The following CNTNAP2 variants were observed in gnomAD, a reference collection of about 807,000 sequenced individuals.
CNTNAP2 encodes the protein contactin-associated protein-like 2.
Under a neutral mutation model 155.2 loss-of-function variants are expected in CNTNAP2, and 98 were observed. The observed-to-expected ratio is 0.63, with a 90% CI of 0.54 to 0.75. The LOEUF (loss-of-function observed/expected upper bound fraction) is 0.75, where lower values mean the gene tolerates loss of function less well. CNTNAP2 is among the 30% of genes least tolerant of loss of function. The pLI is 0.00. For missense variants in CNTNAP2, 1,727 were observed against 1,688.1 expected, an observed-to-expected ratio of 1.02 and a Z score of -0.40; for synonymous variants, 651 against 631.2, an observed-to-expected ratio of 1.03 and a Z score of -0.47.
At chr7:147,889,818 C>T (rs1799657894) in intron 13 of CNTNAP2, among the ~76,000 whole-genome samples, 1 of 152,034 alleles carries the variant, frequency 6.6e-6, no homozygotes, top group African/African-American at 2.4e-5. Flanking sequence ...ACTGGGCAAC[C>T]CAGATAGGAT....
intron 1 of CNTNAP2, among the ~76,000 whole-genome samples, chr7:146,541,072 T>G (rs141484125): frequency 1.3e-5 from 2 of 152,116 alleles, no homozygotes; most frequent in East Asian, 3.9e-4. Flanking sequence ...GTCTCATTTT[T>G]TCAGAACATA....
At chr7:148,296,364 C>A (rs935965403) in intron 21 of CNTNAP2, among the ~76,000 whole-genome samples, 1 of 151,464 alleles carries the variant, frequency 6.6e-6, no homozygotes, top group East Asian at 1.9e-4. Context: ...AGTGAGACCC[C>A]CCCCGCCCAC....
chr7:146,630,030 G>A (rs776932211), intron 1 of CNTNAP2, among the ~76,000 whole-genome samples: 1 of 151,716 alleles, frequency 6.6e-6, no homozygotes, highest in Non-Finnish European at 1.5e-5. Context: ...TGTGCAGAAT[G>A]TGCAGCTTTG....
intron 9 of CNTNAP2, among the ~76,000 whole-genome samples, chr7:147,339,273 C>CA (rs1795718229): frequency 6.6e-6 from 1 of 152,056 alleles, no homozygotes; most frequent in Non-Finnish European, 1.5e-5. Flanking sequence ...TTTTTGGATC[C>CA]ATGGGGGCAG....
intron 1 of CNTNAP2, among the ~76,000 whole-genome samples, chr7:146,281,620 C>A (rs1478855945): frequency 6.6e-6 from 1 of 151,896 alleles, no homozygotes; most frequent in Admixed American, 6.6e-5. Context: ...CATGGTGAAA[C>A]CCTGTCTCTA....
At chr7:147,537,284 A>T (rs1179299277) in intron 11 of CNTNAP2, among the ~76,000 whole-genome samples, 1 of 113,318 alleles carries the variant, frequency 8.8e-6, no homozygotes, top group Non-Finnish European at 2.0e-5. Context: ...AAATTAAATT[A>T]TTTTGATTAT....
chr7:146,544,509 C>T (rs1798000127), intron 1 of CNTNAP2, among the ~76,000 whole-genome samples: 1 of 151,888 alleles, frequency 6.6e-6, no homozygotes, highest in Non-Finnish European at 1.5e-5. Context: ...GGAAATCTAA[C>T]AATTTTGCTT....
intron 13 of CNTNAP2, among the ~76,000 whole-genome samples, chr7:147,686,146 TGA>T (rs1796015213): frequency 6.6e-6 from 1 of 152,016 alleles, no homozygotes; most frequent in Admixed American, 6.6e-5. Context: ...TAGGAAGAGA[TGA>T]GAGTGTCTCA....
chr7:146,843,937 TATA>T (rs1295160091), intron 3 of CNTNAP2, among the ~76,000 whole-genome samples: 1 of 152,170 alleles, frequency 6.6e-6, no homozygotes, highest in African/African-American at 2.4e-5. Flanking sequence ...CTATCCATTT[TATA>T]ATGATTGTTT....
At chr7:146,851,862 T>A (rs1794885818) in intron 3 of CNTNAP2, among the ~76,000 whole-genome samples, 1 of 151,548 alleles carries the variant, frequency 6.6e-6, no homozygotes. Context: ...AATTTATTTA[T>A]TTTTTGTAGT....
At chr7:146,735,102 C>T (rs1411033238) in intron 1 of CNTNAP2, among the ~76,000 whole-genome samples, 3 of 152,158 alleles carry the variant, frequency 2.0e-5, no homozygotes, top group African/African-American at 7.2e-5. Flanking sequence ...ATGACCTTCA[C>T]TGTAAGCAGT....
At chr7:146,869,962 G>T (rs1471637798) in intron 3 of CNTNAP2, among the ~76,000 whole-genome samples, 4 of 152,116 alleles carry the variant, frequency 2.6e-5, no homozygotes, top group African/African-American at 9.7e-5. Context: ...GACACTTCAT[G>T]TTAAGTTTAT....
chr7:146,247,263 T>A (rs1400404305), intron 1 of CNTNAP2, among the ~76,000 whole-genome samples: 1 of 152,186 alleles, frequency 6.6e-6, no homozygotes, highest in Non-Finnish European at 1.5e-5. Context: ...TAACCTTGAC[T>A]ATGCCTTTAG....
chr7:147,011,996 C>T (rs1187203735), intron 3 of CNTNAP2, among the ~76,000 whole-genome samples: 1 of 152,198 alleles, frequency 6.6e-6, no homozygotes, highest in Non-Finnish European at 1.5e-5. Flanking sequence ...CTTCATTGAA[C>T]CTAAGCATAA....
At chr7:146,480,029 C>A (rs1190983164) in intron 1 of CNTNAP2, among the ~76,000 whole-genome samples, 1 of 152,102 alleles carries the variant, frequency 6.6e-6, no homozygotes, top group African/African-American at 2.4e-5. Context: ...GGGTGATTCA[C>A]CCACATCGAC....
intron 1 of CNTNAP2, among the ~76,000 whole-genome samples, chr7:146,121,892 A>C (rs1375225192): frequency 2.0e-5 from 3 of 152,208 alleles, no homozygotes; most frequent in African/African-American, 7.2e-5. Context: ...TAATTTTCAA[A>C]TGAAAGCCTT....
intron 1 of CNTNAP2, among the ~76,000 whole-genome samples, chr7:146,122,288 CT>C (rs1224584989): frequency 6.6e-6 from 1 of 152,154 alleles, no homozygotes; most frequent in Non-Finnish European, 1.5e-5. Context: ...CGCGAAGAGC[CT>C]TATGGTGTTC....
chr7:146,507,861 C>T (rs1233278293), intron 1 of CNTNAP2, among the ~76,000 whole-genome samples: 4 of 152,138 alleles, frequency 2.6e-5, no homozygotes, highest in East Asian at 1.9e-4. Context: ...GCAGCAACAC[C>T]GTGAAAGTCT....
rs139055747 is a variant in CNTNAP2 at position 146,970,515 on chromosome 7, C to G, written c.403-73392C>G. ...GCAAATCAAAACCACAGTGAGATAC[C>G]ATCCCACACCAGTTAGAATGGCAAT... On this transcript the variant is annotated intron_variant, in intron 3 of 23. Transcript: ENST00000361727. Among the ~76,000 whole-genome samples, 471 of 152,250 alleles carry G rather than the reference C, an allele frequency of 3.1e-3. 4 individuals carry two copies. The highest frequency in any genetic ancestry group is 0.011 in the African/African-American group (455 of 41,534).
Sources: allele counts gnomAD v4.1 joint callset (sites outside exome capture counted in the v4.1 genomes callset), GRCh38; gene constraint gnomAD v4.1.1; transcripts MANE v1.5; gene names NCBI Gene and HGNC (gene_info 2026-07-23, HGNC 2026-07-21).